DPYD: variants seen among roughly 807,000 people sequenced by gnomAD.
The protein encoded by DPYD is dihydropyrimidine dehydrogenase.
In DPYD, 109 loss-of-function variants were observed where a neutral mutation model predicts 116.2. The ratio of observed to expected loss-of-function variants is 0.94; its 90% CI spans 0.80 to 1.10. The LOEUF is 1.10. Ranked by LOEUF, DPYD falls within the 50% of genes least tolerant of loss-of-function variation. The pLI, the probability that DPYD is intolerant of heterozygous loss-of-function variation, is 0.00. For missense variants in DPYD, 1,302 were observed against 1,254.5 expected (o/e 1.04, Z -0.57); for synonymous variants, 440 against 432.0 (o/e 1.02, Z -0.23).
chr1:97,683,867 GA>G (rs552546358), intron 7 of DPYD, among the ~76,000 whole-genome samples: 18 of 151,852 alleles, frequency 1.2e-4, no homozygotes, highest in East Asian at 3.9e-4. Context: ...CTACACGGGG[GA>G]AAAAAACCTA....
chr1:97,109,652 T>C (rs1651446751), intron 20 of DPYD, among the ~76,000 whole-genome samples: 1 of 152,098 alleles, frequency 6.6e-6, no homozygotes, highest in African/African-American at 2.4e-5. Flanking sequence ...TATCCTCCTA[T>C]GCAGAAACAC....
chr1:97,354,075 G>A (rs1188960863), intron 16 of DPYD, among the ~76,000 whole-genome samples: 2 of 152,200 alleles, frequency 1.3e-5, no homozygotes, highest in East Asian at 1.9e-4. Flanking sequence ...GAATTGCTGT[G>A]AGAATTAAAT....
intron 13 of DPYD, among the ~76,000 whole-genome samples, chr1:97,491,804 G>T (rs1678990663): frequency 6.6e-6 from 1 of 152,078 alleles, no homozygotes; most frequent in African/African-American, 2.4e-5. Context: ...TATACAAAAA[G>T]ATTTGATCTT....
chr1:97,080,684 A>C (rs1408936668), intron 22 of DPYD, among the ~76,000 whole-genome samples: 1 of 152,168 alleles, frequency 6.6e-6, no homozygotes, highest in African/African-American at 2.4e-5. Context: ...ATGGAAACTC[A>C]ATGAAGTAAC....
At chr1:97,816,057 T>C (rs767992189) in intron 3 of DPYD, among the ~76,000 whole-genome samples, 2 of 151,996 alleles carry the variant, frequency 1.3e-5, no homozygotes, top group South Asian at 4.1e-4. Context: ...ACATTTTTAA[T>C]TTTTAATTTT....
chr1:97,124,207 C>T (rs1652661871), intron 20 of DPYD, among the ~76,000 whole-genome samples: 1 of 151,984 alleles, frequency 6.6e-6, no homozygotes, highest in Non-Finnish European at 1.5e-5. Flanking sequence ...AAAGCAAATG[C>T]CCTCCACCCC....
chr1:97,287,583 C>T (rs1665794249), intron 18 of DPYD, among the ~76,000 whole-genome samples: 2 of 152,208 alleles, frequency 1.3e-5, no homozygotes, highest in African/African-American at 4.8e-5. Flanking sequence ...GGGCTCCACC[C>T]AGTTGGAGCT....
In DPYD at chr1:97,893,963, T is replaced by C. The variant is rs61787822; in HGVS notation, c.40-10589A>G. Among the ~76,000 whole-genome samples, 1,478 of 151,966 alleles carry C rather than the reference T, an allele frequency of 9.7e-3. 9 individuals are homozygous for C. The highest frequency in any genetic ancestry group is 0.027 in the Middle Eastern group (8 of 294). On this transcript the variant is annotated intron_variant, in intron 1 of 22. Transcript: ENST00000370192. ...CTGATATTAACCTCACAATTCTTAA[T>C]ACAGAACAGAGCATGCCAAAGGTAG...
At chr1:97,115,794 G>A (rs1452141259) in intron 20 of DPYD, among the ~76,000 whole-genome samples, 1 of 152,134 alleles carries the variant, frequency 6.6e-6, no homozygotes, top group Non-Finnish European at 1.5e-5. Context: ...AATGTATGCT[G>A]TGGGAGGATG....
At chr1:97,250,219 G>A (rs1262411843) in intron 18 of DPYD, among the ~76,000 whole-genome samples, 1 of 151,912 alleles carries the variant, frequency 6.6e-6, no homozygotes, top group South Asian at 2.1e-4. Context: ...GCAGTGAGCC[G>A]AGATCACGCC....
At chr1:97,729,433 G>A (rs901380087) in intron 4 of DPYD, among the ~76,000 whole-genome samples, 1 of 152,054 alleles carries the variant, frequency 6.6e-6, no homozygotes, top group Admixed American at 6.6e-5. Flanking sequence ...CTATACAATA[G>A]ATTCAGTGAA....
chr1:97,566,869 C>G (rs1652554227), intron 11 of DPYD, among the ~76,000 whole-genome samples: 1 of 152,098 alleles, frequency 6.6e-6, no homozygotes, highest in Non-Finnish European at 1.5e-5. Context: ...TTCTAGCATT[C>G]TCAATTTCAT....
intron 3 of DPYD, among the ~76,000 whole-genome samples, chr1:97,790,804 G>GA (rs565956780): frequency 2.0e-5 from 3 of 151,588 alleles, no homozygotes; most frequent in Admixed American, 1.3e-4. Context: ...ATTCAATTAG[G>GA]AAAAAAAATC....
intron 18 of DPYD, among the ~76,000 whole-genome samples, chr1:97,269,763 C>A (rs1664458274): frequency 6.6e-6 from 1 of 152,082 alleles, no homozygotes; most frequent in Non-Finnish European, 1.5e-5. Context: ...GGGACCCACC[C>A]TTATGACTTC....
At chr1:97,417,572 T>A (rs1674351510) in intron 14 of DPYD, among the ~76,000 whole-genome samples, 1 of 152,228 alleles carries the variant, frequency 6.6e-6, no homozygotes, top group South Asian at 2.1e-4. Flanking sequence ...TCAACAAAGC[T>A]ACACATAGTA....
chr1:97,747,036 T>C (rs1664597612), intron 3 of DPYD, among the ~76,000 whole-genome samples: 1 of 151,908 alleles, frequency 6.6e-6, no homozygotes, highest in African/African-American at 2.4e-5. Context: ...GAAGGAAAAG[T>C]GTCCCAATTC....
intron 2 of DPYD, among the ~76,000 whole-genome samples, chr1:97,876,344 TG>T (rs1448660083): frequency 6.6e-6 from 1 of 151,906 alleles, no homozygotes; most frequent in Non-Finnish European, 1.5e-5. Context: ...TCCAGGACAG[TG>T]GAAGCCCTTT....
intron 8 of DPYD, among the ~76,000 whole-genome samples, chr1:97,639,389 G>C (rs1350788524): frequency 6.6e-6 from 1 of 151,762 alleles, no homozygotes; most frequent in Non-Finnish European, 1.5e-5. Flanking sequence ...CCGCTCCATG[G>C]CTCAGACACT....
chr1:97,251,391 TAAAAAAAAA>T (rs10581072), intron 18 of DPYD, among the ~76,000 whole-genome samples: 3 of 95,360 alleles, frequency 3.1e-5, no homozygotes, highest in Non-Finnish European at 5.9e-5. Flanking sequence ...AAACTCTGTC[TAAAAAAAAA>T]AAAAAAAAAA....
Sources: allele counts gnomAD v4.1 joint callset (sites outside exome capture counted in the v4.1 genomes callset), GRCh38; gene constraint gnomAD v4.1.1; transcripts MANE v1.5; gene names NCBI Gene and HGNC (gene_info 2026-07-23, HGNC 2026-07-21).